The following MESD variants were observed in gnomAD, a reference collection of about 807,000 sequenced individuals.
The protein encoded by MESD is mesoderm development LRP chaperone.
A neutral mutation model predicts 12.9 loss-of-function variants in MESD; 7 were observed. The ratio of observed to expected loss-of-function variants is 0.54; its 90% CI spans 0.31 to 1.02. The LOEUF is 1.02. Among genes scored for constraint, MESD ranks in the 50% least tolerant of loss-of-function variants. The pLI is 0.05. For missense variants in MESD, 342 were observed against 296.7 expected (o/e 1.15, Z -1.12); for synonymous variants, 126 against 115.6 (o/e 1.09, Z -0.58).
At chr15:80,961,848 C>G (rs1189193988) in intron 3 of MESD, among the ~76,000 whole-genome samples, 1 of 152,188 alleles carries the variant, frequency 6.6e-6, no homozygotes, top group East Asian at 1.9e-4. Flanking sequence ...AAGCATTAAA[C>G]ATGGAAAGGA....
chr15:80,986,315 A>C (rs755465071), intron 1 of MESD, among the ~76,000 whole-genome samples: 23 of 152,230 alleles, frequency 1.5e-4, no homozygotes, highest in Non-Finnish European at 3.2e-4. Context: ...AAATTACATT[A>C]GATAGGAAGA....
chr15:80,986,391 C>G (rs1171189628), intron 1 of MESD, among the ~76,000 whole-genome samples: 1 of 152,118 alleles, frequency 6.6e-6, no homozygotes, highest in African/African-American at 2.4e-5. Context: ...TGCATATTTT[C>G]AAACAGCTAG....
Position 80,979,227 on chromosome 15 carries a change from C to T in MESD, c.697G>A (p.Asp233Asn), listed in dbSNP as rs1902505071. The change falls in exon 3 of 3, where the codon GAC (aspartate) becomes AAC (asparagine). Residue 233 changes from aspartate (D) to asparagine (N), a missense_variant. Asp to Asn is a conservative substitution (Grantham distance 23). Transcript: ENST00000261758. ...EENRAGNKRE[D>N]L ...GCGTCACTGCTGCCCCATCACAGGT[C>T]TTCTCTTTTATTCCCAGCTCGATTT... is the stretch of plus-strand genomic sequence containing the variant. The T allele has an allele frequency of 6.2e-7, 1 of 1,613,412 alleles. No homozygotes were observed. Among genetic ancestry groups the T allele is most frequent in the South Asian group, 1.1e-5 (1 of 91,044 alleles).
chr15:80,948,036 G>C (rs1039654010), exon 5 of MESD: 1 of 152,744 alleles, frequency 6.5e-6, no homozygotes, highest in African/African-American at 2.4e-5. Context: ...AGGACATAAG[G>C]AAAAGAGAAG....
downstream of MESD, among the ~76,000 whole-genome samples, chr15:80,973,762 G>GT (rs201566417): frequency 3.6e-4 from 53 of 146,814 alleles, no homozygotes; most frequent in Admixed American, 8.8e-4. Flanking sequence ...CATGGTTTTT[G>GT]TTTTTTTTTT....
intron 3 of MESD, among the ~76,000 whole-genome samples, chr15:80,955,216 T>C (rs901814530): frequency 1.3e-5 from 2 of 148,656 alleles, no homozygotes; most frequent in African/African-American, 5.0e-5. Flanking sequence ...CCGGGCGCGG[T>C]GGCTCAAGCC....
chr15:80,960,775 T>A (rs1470143500), intron 3 of MESD, among the ~76,000 whole-genome samples: 6 of 152,186 alleles, frequency 3.9e-5, no homozygotes, highest in Admixed American at 1.3e-4. Context: ...GGGTGTCTAG[T>A]CATCTTCTGT....
intron 1 of MESD, among the ~76,000 whole-genome samples, chr15:80,986,343 A>G (rs1902731101): frequency 1.3e-5 from 2 of 152,166 alleles, no homozygotes; most frequent in Admixed American, 1.3e-4. Context: ...CTAGTGCTCT[A>G]TAGCATTGTA....
At chr15:80,948,846 G>A (rs756948492) in exon 5 of MESD, 2 of 1,614,132 alleles carry the variant, frequency 1.2e-6, no homozygotes, top group Non-Finnish European at 1.7e-6. Flanking sequence ...CCATCTGGGT[G>A]ACACTGGACA....
downstream of MESD, among the ~76,000 whole-genome samples, chr15:80,973,529 T>C (rs1902336213): frequency 6.6e-6 from 1 of 152,056 alleles, no homozygotes; most frequent in East Asian, 1.9e-4. Context: ...ACAGAGGCCC[T>C]GTCTCAAAAA....
rs368285022 is a variant in MESD, at chr15:80,981,962, T to C, written c.434A>G (p.Tyr145Cys). 19 of 1,612,144 alleles carry C rather than the reference T, an allele frequency of 1.2e-5. No homozygotes were observed. The highest frequency in any genetic ancestry group is 1.1e-4 in the African/African-American group (8 of 74,916). ...GTTGCTGCTTTACCTCTGGACGTCATAGTTGGCATTGAAAAGGCTGCCCTG... is the reference window on the plus strand; with the variant it reads ...GTTGCTGCTTTACCTCTGGACGTCACAGTTGGCATTGAAAAGGCTGCCCTG... ...LWQGSLFNAN[Y>C]DVQRFIVGSD... The change falls in exon 2 of 3, where the codon TAT becomes TGT. Residue 145 changes from tyrosine (Y) to cysteine (C), a missense_variant. By Grantham distance (194) the Tyr-to-Cys change is radical. Coordinates refer to ENST00000261758, the MANE Select transcript of MESD (RefSeq NM_015154.3).
downstream of MESD, among the ~76,000 whole-genome samples, chr15:80,974,594 C>G (rs1230090927): frequency 7.1e-6 from 1 of 140,732 alleles, no homozygotes; most frequent in African/African-American, 2.7e-5. Context: ...AAATGTGTAT[C>G]AGAGCTAAAA....
At position 80,978,946 on chromosome 15, in the gene MESD, A is replaced by G; in HGVS notation, c.*273T>C. 2.1e-6 allele frequency: 1 copy of G among 486,052 alleles called. No homozygotes were observed. Among genetic ancestry groups the G allele is most frequent in the Non-Finnish European group, 3.6e-6 (1 of 275,120 alleles). 30.1% of individuals were successfully genotyped at this position (486,052 alleles called of 1,614,324 possible). ...GATGACTCACCAAGTGTAAATGGGA[A>G]AAAGCAACACAGTCACATTTCCATG... On this transcript the variant is annotated 3_prime_UTR_variant, in exon 3 of 3. Coordinates refer to ENST00000261758, the MANE Select transcript of MESD (RefSeq NM_015154.3).
chr15:80,966,248 C>G (rs758962441), intron 3 of MESD, among the ~76,000 whole-genome samples: 1 of 151,712 alleles, frequency 6.6e-6, no homozygotes, highest in African/African-American at 2.4e-5. Context: ...GGGGATTTAG[C>G]CTAATGAAAT....
At position 80,948,323 on chromosome 15, in the gene MESD, G is replaced by C. The variant is rs899547944; in HGVS notation, c.*1202C>G. The C allele has an allele frequency of 3.4e-5, 9 of 264,712 alleles. No individual in the cohort carries two copies. The South Asian group carries it at 4.1e-4, about 12-fold the overall frequency. The allele number at this position is 264,712 out of a possible 1,614,324, so 16.4% of individuals were successfully genotyped here. On this transcript the variant is annotated 3_prime_UTR_variant, in exon 5 of 5. Transcript: ENST00000561312. ...GGTGCACCATTTACTCCACACTCTT[G>C]GTCAAATTTCTTCACCTCTCAGAAC...
chr15:80,977,297 C>T lies in MESD; in HGVS notation c.*1922G>A, dbSNP rs951659789. The T allele has an allele frequency of 2.0e-5, 3 of 152,234 alleles. No individual in the cohort carries two copies. The highest frequency in any genetic ancestry group is 1.3e-4 in the Admixed American group (2 of 15,276). The allele number at this position is 152,234 out of a possible 1,614,324, so 9.4% of individuals were successfully genotyped here. ...GCCCCTTTCATACTTCTAACAGCTG[C>T]CATTTTACTTTGTACATTACTGACA... On this transcript the variant is annotated 3_prime_UTR_variant, in exon 3 of 3. Coordinates refer to ENST00000261758, the MANE Select transcript of MESD (RefSeq NM_015154.3).
downstream of MESD, among the ~76,000 whole-genome samples, chr15:80,972,044 A>C (rs527431930): frequency 6.6e-6 from 1 of 152,306 alleles, no homozygotes; most frequent in South Asian, 2.1e-4. Context: ...ATAACTAAAA[A>C]AACTCAAATA....
chr15:80,959,851 T>G (rs1338198379), intron 3 of MESD, among the ~76,000 whole-genome samples: 2 of 148,700 alleles, frequency 1.3e-5, no homozygotes, highest in Non-Finnish European at 3.0e-5. Flanking sequence ...GCAGGTAAAC[T>G]CAACTGGAAG....
intron 1 of MESD, among the ~76,000 whole-genome samples, chr15:80,989,242 G>A (rs761957831): frequency 4.6e-5 from 7 of 152,218 alleles, no homozygotes; most frequent in Non-Finnish European, 1.0e-4. Flanking sequence ...AGGGCTCACT[G>A]ACCACAAGAA....
Sources: allele counts gnomAD v4.1 joint callset (sites outside exome capture counted in the v4.1 genomes callset), GRCh38; gene constraint gnomAD v4.1.1; transcripts MANE v1.5; gene names NCBI Gene and HGNC (gene_info 2026-07-23, HGNC 2026-07-21).